The following L3MBTL4 variants were observed in gnomAD, a reference collection of about 807,000 sequenced individuals.
The protein encoded by L3MBTL4 is L3MBTL histone methyl-lysine binding protein 4.
L3MBTL4 carries 70 observed loss-of-function variants against 84.5 expected under a neutral mutation model. The ratio of observed to expected loss-of-function variants is 0.83; its 90% confidence interval spans 0.68 to 1.01. The LOEUF is 1.01. L3MBTL4 is among the 50% of genes least tolerant of loss of function. The pLI is 0.00. For synonymous variants in L3MBTL4, 274 were observed against 259.8 expected (o/e 1.05, Z -0.52); for missense variants, 715 against 754.8 (o/e 0.95, Z 0.62).
At chr18:6,264,531 C>G (rs1425764885) in intron 4 of L3MBTL4, among the ~76,000 whole-genome samples, 1 of 152,176 alleles carries the variant, frequency 6.6e-6, no homozygotes, top group African/African-American at 2.4e-5. Flanking sequence ...CGCCTGTAAT[C>G]CCAGCACTTC....
intron 1 of L3MBTL4, among the ~76,000 whole-genome samples, chr18:6,342,287 T>C (rs2052643927): frequency 6.6e-6 from 1 of 152,114 alleles, no homozygotes; most frequent in Non-Finnish European, 1.5e-5. Context: ...ACTATAAAAG[T>C]TAAAAGGCAA....
At chr18:6,184,892 G>T (rs1265789783) in intron 12 of L3MBTL4, among the ~76,000 whole-genome samples, 3 of 152,202 alleles carry the variant, frequency 2.0e-5, no homozygotes, top group South Asian at 4.1e-4. Context: ...AAAAAAATGT[G>T]AAAGAGGTCT....
At chr18:6,048,757 C>T (rs2056730468) in intron 16 of L3MBTL4, among the ~76,000 whole-genome samples, 1 of 149,510 alleles carries the variant, frequency 6.7e-6, no homozygotes, top group Non-Finnish European at 1.5e-5. Flanking sequence ...CCACTGCACT[C>T]CAGCCTGGGC....
At position 5,955,895 on chromosome 18, in the gene L3MBTL4, G is replaced by A. The variant is rs866540715; in HGVS notation, c.*325C>T. 3.3e-5 allele frequency: 7 copies of A among 213,046 alleles called. No individual in the cohort carries two copies. The South Asian group carries it at 1.1e-3, about 32-fold the overall frequency. The allele number at this position is 213,046 out of a possible 1,614,324, so 13.2% of individuals were successfully genotyped here. On this transcript the variant is annotated 3_prime_UTR_variant, in exon 19 of 19. Transcript: ENST00000317931. ...GTGTTATGCTTGTAAGATGGAAAAT[G>A]GTTTCTTTTCTGGTGACGGAGAAGA...
intron 16 of L3MBTL4, among the ~76,000 whole-genome samples, chr18:5,980,789 G>GGAAGAAGTA (rs1210306787): frequency 6.6e-6 from 1 of 152,074 alleles, no homozygotes; most frequent in Non-Finnish European, 1.5e-5. Flanking sequence ...GTAGCTCATG[G>GGAAGAAGTA]GCTATTTTCT....
intron 14 of L3MBTL4, among the ~76,000 whole-genome samples, chr18:6,108,557 T>C (rs559954680): frequency 5.9e-5 from 9 of 152,178 alleles, no homozygotes; most frequent in African/African-American, 2.2e-4. Context: ...CATGATTTTA[T>C]AGAATGGGAT....
chr18:5,958,931 A>C (rs1373475942), intron 18 of L3MBTL4, among the ~76,000 whole-genome samples: 1 of 152,208 alleles, frequency 6.6e-6, no homozygotes, highest in Non-Finnish European at 1.5e-5. Flanking sequence ...GGACAAAGCA[A>C]GCCTTGATCA....
At chr18:6,263,419 C>A (rs1478431474) in intron 5 of L3MBTL4, among the ~76,000 whole-genome samples, 1 of 152,076 alleles carries the variant, frequency 6.6e-6, no homozygotes, top group Non-Finnish European at 1.5e-5. Flanking sequence ...CCCTGTAAGG[C>A]CCAGATGGTC....
In L3MBTL4 at chr18:6,205,197, A is replaced by G. The variant is rs79893691; in HGVS notation, c.981+7952T>C. ...AGGAAAATAGGAGTGTCAGAGGCAG[A>G]GGTTTGAAGGTGCTACGCTGCTGGC... On this transcript the variant is annotated intron_variant, in intron 12 of 18. Coordinates refer to ENST00000317931, the MANE Select transcript of L3MBTL4 (RefSeq NM_001330559.2). 2.9e-3 allele frequency among the ~76,000 whole-genome samples: 445 copies of G among 152,212 alleles called. 1 individual carries two copies. Among genetic ancestry groups the G allele is most frequent in the African/African-American group, 9.9e-3 (411 of 41,532 alleles).
chr18:6,265,870 C>G (rs1168105121), intron 4 of L3MBTL4, among the ~76,000 whole-genome samples: 1 of 152,166 alleles, frequency 6.6e-6, no homozygotes, highest in Non-Finnish European at 1.5e-5. Flanking sequence ...TCCAGTTAGA[C>G]AGCAGGCATA....
intron 16 of L3MBTL4, among the ~76,000 whole-genome samples, chr18:6,056,195 C>A (rs913271837): frequency 6.6e-6 from 1 of 152,022 alleles, no homozygotes; most frequent in Admixed American, 6.5e-5. Flanking sequence ...GAAAGGCATT[C>A]TTCTTAAGAA....
intron 13 of L3MBTL4, among the ~76,000 whole-genome samples, chr18:6,158,365 T>C (rs1314884339): frequency 6.6e-6 from 1 of 152,212 alleles, no homozygotes. Context: ...CAAGATGTAT[T>C]CTAAAGGGTG....
At chr18:6,310,204 G>T (rs1178596395) in intron 3 of L3MBTL4, among the ~76,000 whole-genome samples, 1 of 152,218 alleles carries the variant, frequency 6.6e-6, no homozygotes, top group Non-Finnish European at 1.5e-5. Flanking sequence ...AGAACACAAA[G>T]AATGACATCT....
At chr18:6,185,306 G>A (rs1164655794) in intron 12 of L3MBTL4, among the ~76,000 whole-genome samples, 1 of 152,200 alleles carries the variant, frequency 6.6e-6, no homozygotes, top group Non-Finnish European at 1.5e-5. Flanking sequence ...CCGCAGTGCT[G>A]GACCCAATAT....
intron 4 of L3MBTL4, among the ~76,000 whole-genome samples, chr18:6,286,965 G>A (rs1456941980): frequency 6.6e-6 from 1 of 152,178 alleles, no homozygotes; most frequent in Non-Finnish European, 1.5e-5. Context: ...CCCTCAGATT[G>A]AGGCTTCAGT....
At chr18:5,977,277 C>T (rs2052989906) in intron 16 of L3MBTL4, among the ~76,000 whole-genome samples, 1 of 152,242 alleles carries the variant, frequency 6.6e-6, no homozygotes, top group African/African-American at 2.4e-5. Context: ...CCAGGCAGGC[C>T]TCCGTCTCCT....
intron 16 of L3MBTL4, among the ~76,000 whole-genome samples, chr18:6,020,743 T>C (rs564009297): frequency 2.0e-5 from 3 of 152,312 alleles, no homozygotes; most frequent in East Asian, 3.9e-4. Context: ...CCTAGGTTAC[T>C]GGCTTGAGCA....
chr18:6,027,083 C>G (rs1300981595), intron 16 of L3MBTL4, among the ~76,000 whole-genome samples: 1 of 152,106 alleles, frequency 6.6e-6, no homozygotes, highest in Non-Finnish European at 1.5e-5. Flanking sequence ...GGTTTTTACA[C>G]AGGTATACAT....
intron 16 of L3MBTL4, among the ~76,000 whole-genome samples, chr18:6,059,281 TGTG>T (rs2057129047): frequency 6.6e-6 from 1 of 152,242 alleles, no homozygotes; most frequent in Non-Finnish European, 1.5e-5. Flanking sequence ...TGCTGTGGAA[TGTG>T]GTGTTCAGAG....
Sources: allele counts gnomAD v4.1 joint callset (sites outside exome capture counted in the v4.1 genomes callset), GRCh38; gene constraint gnomAD v4.1.1; transcripts MANE v1.5; gene names NCBI Gene and HGNC (gene_info 2026-07-23, HGNC 2026-07-21).